The following EFR3A variants were observed in gnomAD, a reference collection of about 807,000 sequenced individuals.
EFR3A encodes the protein EFR3 homolog A.
Under a neutral mutation model 104.4 loss-of-function variants are expected in EFR3A, and 76 were observed. The observed-to-expected ratio is 0.73, with a 90% CI of 0.60 to 0.88. The LOEUF (loss-of-function observed/expected upper bound fraction) is 0.88, where lower values mean the gene tolerates loss of function less well. Among genes scored for constraint, EFR3A ranks in the 40% least tolerant of loss-of-function variants. The pLI, the probability that EFR3A is intolerant of heterozygous loss-of-function variation, is 0.00. For missense variants in EFR3A, 985 were observed against 1,012.5 expected (o/e 0.97, Z 0.37); for synonymous variants, 330 against 330.0 (o/e 1.00, Z 0.00).
At chr8:131,929,307 G>C (rs1179400951) in intron 1 of EFR3A, among the ~76,000 whole-genome samples, 1 of 152,042 alleles carries the variant, frequency 6.6e-6, no homozygotes, top group African/African-American at 2.4e-5. Flanking sequence ...TCAGCTTCCT[G>C]CAAGTTTGCC....
chr8:131,986,847 A>G (rs776935507), intron 17 of EFR3A, among the ~76,000 whole-genome samples: 1 of 151,562 alleles, frequency 6.6e-6, no homozygotes, highest in African/African-American at 2.4e-5. Flanking sequence ...AAACTGTTGG[A>G]TATGTCTCTT....
intron 1 of EFR3A, among the ~76,000 whole-genome samples, chr8:131,905,055 A>G (rs1208561153): frequency 6.6e-6 from 1 of 152,204 alleles, no homozygotes; most frequent in East Asian, 1.9e-4. Flanking sequence ...ACGCGATACT[A>G]CAAGTACTGC....
At chr8:132,001,624 C>A in intron 19 of EFR3A, 135 bp from the exon 20 acceptor site, 2 of 690,474 alleles carry the variant, frequency 2.9e-6, no homozygotes, top group Non-Finnish European at 5.1e-6. Flanking sequence ...GGAGTATAAT[C>A]ACAGCTCACA....
Position 131,978,858 on chromosome 8 carries a change from A to G in EFR3A, c.1338A>G (p.Gly446=), listed in dbSNP as rs1820450449. The change falls in exon 13 of 23, where the codon GGA becomes GGG. Residue 446 remains glycine, a synonymous_variant. Coordinates refer to ENST00000254624, the MANE Select transcript of EFR3A (RefSeq NM_015137.6). The part of the protein sequence containing the change: ...LLRSLLMVTS[G]YKAKTIVTAL... ...TTCTCGATAATCAGGTGACCTCTGG[A>G]TATAAAGCGAAGACGATTGTTACTG... 2 of 1,597,682 alleles carry G rather than the reference A, an allele frequency of 1.3e-6. No individual in the cohort carries two copies. Among genetic ancestry groups the G allele is most frequent in the Admixed American group, 1.7e-5 (1 of 57,468 alleles).
chr8:131,982,416 G>A (rs1286618390), intron 14 of EFR3A, among the ~76,000 whole-genome samples: 1 of 151,892 alleles, frequency 6.6e-6, no homozygotes, highest in Admixed American at 6.6e-5. Flanking sequence ...TTTCCAGTTA[G>A]TGAGTGTTAT....
chr8:131,993,287 A>T (rs144476095), intron 18 of EFR3A, among the ~76,000 whole-genome samples: 12 of 152,306 alleles, frequency 7.9e-5, no homozygotes, highest in African/African-American at 2.9e-4. Context: ...ACATAACTAT[A>T]CATCATCCAC....
intron 8 of EFR3A, among the ~76,000 whole-genome samples, chr8:131,964,796 C>A (rs981769460): frequency 2.6e-5 from 4 of 152,166 alleles, no homozygotes; most frequent in Non-Finnish European, 4.4e-5. Context: ...GGAGTCATCA[C>A]GCTACCTGAC....
At chr8:131,995,061 C>T (rs548903710) in intron 18 of EFR3A, among the ~76,000 whole-genome samples, 5 of 151,996 alleles carry the variant, frequency 3.3e-5, no homozygotes, top group African/African-American at 4.8e-5. Flanking sequence ...CAGAGACTGA[C>T]AATGAAAAGC....
In EFR3A at chr8:132,003,680, G is replaced by A. The variant is rs865859923; in HGVS notation, c.2360+395G>A. Among the ~76,000 whole-genome samples, 3 of 152,146 alleles carry A rather than the reference G, an allele frequency of 2.0e-5. No homozygotes were observed. The South Asian group carries it at 6.2e-4, about 32-fold the overall frequency. On this transcript the variant is annotated intron_variant, in intron 22 of 22. Transcript: ENST00000254624. ...TGTCAGCCTCATGGTTCTTTTCAGG[G>A]CAGTAATAAGTCTACTTATGCAGAT...
chr8:132,002,812 C>T, intron 21 of EFR3A, 106 bp downstream of exon 21: 2 of 863,828 alleles, frequency 2.3e-6, no homozygotes, highest in South Asian at 3.4e-5. Context: ...ATCAACGGAA[C>T]ACAGGAAAAT....
chr8:131,989,021 C>T (rs898415272), intron 18 of EFR3A, among the ~76,000 whole-genome samples: 5 of 152,026 alleles, frequency 3.3e-5, no homozygotes, highest in Admixed American at 2.0e-4. Flanking sequence ...TCCTCCCATC[C>T]CTAAAAAAGA....
intron 22 of EFR3A, among the ~76,000 whole-genome samples, chr8:132,005,520 C>T (rs1029491542): frequency 6.6e-6 from 1 of 151,826 alleles, no homozygotes; most frequent in African/African-American, 2.4e-5. Context: ...GTAGAAAAGG[C>T]CCTTAGAACA....
At chr8:131,908,057 G>GTT (rs113534228) in intron 1 of EFR3A, among the ~76,000 whole-genome samples, 6 of 144,988 alleles carry the variant, frequency 4.1e-5, no homozygotes, top group Admixed American at 6.9e-5. Context: ...AGAATTTGAG[G>GTT]TTTTTTTTTT....
intron 22 of EFR3A, among the ~76,000 whole-genome samples, chr8:132,007,585 A>G (rs975206902): frequency 6.6e-6 from 1 of 151,962 alleles, no homozygotes; most frequent in Non-Finnish European, 1.5e-5. Flanking sequence ...TCAAAACCCC[A>G]ACAGACTTTT....
chr8:131,931,582 C>T (rs1038465774), intron 1 of EFR3A, among the ~76,000 whole-genome samples: 4 of 152,056 alleles, frequency 2.6e-5, no homozygotes, highest in Non-Finnish European at 5.9e-5. Context: ...TGCTTAATAT[C>T]AGGAACCAGT....
At chr8:131,969,948 C>A (rs1442806367) in intron 9 of EFR3A, among the ~76,000 whole-genome samples, 1 of 152,106 alleles carries the variant, frequency 6.6e-6, no homozygotes, top group Non-Finnish European at 1.5e-5. Context: ...GTGATAGAAA[C>A]ACATGCAGAG....
At chr8:131,976,984 A>C in intron 11 of EFR3A, 57 bp from the exon 12 acceptor site, 1 of 1,202,614 alleles carries the variant, frequency 8.3e-7, no homozygotes, top group Admixed American at 2.2e-5. Context: ...TAATTGAAGT[A>C]AATGAAGTAA....
intron 5 of EFR3A, among the ~76,000 whole-genome samples, 171 bp from the exon 6 acceptor site, chr8:131,953,647 A>G (rs1234959416): frequency 2.6e-5 from 4 of 152,096 alleles, no homozygotes; most frequent in Admixed American, 2.6e-4. Context: ...GCACATCTCC[A>G]TGTCTCTTAA....
At chr8:131,966,232 G>T (rs528057458) in intron 8 of EFR3A, among the ~76,000 whole-genome samples, 1 of 151,596 alleles carries the variant, frequency 6.6e-6, no homozygotes, top group Non-Finnish European at 1.5e-5. Flanking sequence ...TAAATAAAAA[G>T]CAACAAAAAA....
Sources: gnomAD v4.1 joint callset for allele counts (sites outside exome capture counted in the v4.1 genomes callset) on GRCh38, gnomAD v4.1.1 for gene constraint, MANE v1.5 for transcripts, NCBI Gene and HGNC (gene_info 2026-07-23, HGNC 2026-07-21) for gene names.